The following ZC3H13 variants were observed in gnomAD, a reference collection of about 807,000 sequenced individuals.
The protein encoded by ZC3H13 is zinc finger CCCH domain-containing protein 13.
A neutral mutation model predicts 204.1 loss-of-function variants in ZC3H13; 64 were observed. The ratio of observed to expected loss-of-function variants is 0.31; its 90% CI spans 0.26 to 0.39. ZC3H13 has a LOEUF of 0.39. Ranked by LOEUF, ZC3H13 falls within the 10% of genes least tolerant of loss-of-function variation. The probability of loss-of-function intolerance (pLI) is 1.00; values close to 1 mark genes in which losing one functional copy is unlikely to be tolerated. For synonymous variants in ZC3H13, 667 were observed against 693.7 expected (o/e 0.96, Z 0.60); for missense variants, 1,833 against 2,082.7 (o/e 0.88, Z 2.33).
rs535219849 is a variant in ZC3H13 at position 45,956,873 on chromosome 13, C to T, written c.*254G>A. On this transcript the variant is annotated 3_prime_UTR_variant, in exon 19 of 19. Transcript: ENST00000679008. ...CAAAATCTTCAGTTTTAACAAAAGG[C>T]GCAGAATAAACTACTAAATCTAGAT... 36 of 254,770 alleles carry T rather than the reference C, an allele frequency of 1.4e-4. No homozygotes were observed. The highest frequency in any genetic ancestry group is 2.5e-4 in the Non-Finnish European group (34 of 136,644). The allele number at this position is 254,770 out of a possible 1,614,324, so 15.8% of individuals were successfully genotyped here.
intron 4 of ZC3H13, among the ~76,000 whole-genome samples, chr13:46,021,033 A>G (rs1294255092): frequency 2.0e-5 from 3 of 152,024 alleles, no homozygotes; most frequent in Non-Finnish European, 4.4e-5. Context: ...GGGCTAAACC[A>G]TTCACCACAG....
chr13:45,991,215 A>G (rs1203693769), intron 8 of ZC3H13, among the ~76,000 whole-genome samples: 2 of 152,222 alleles, frequency 1.3e-5, no homozygotes, highest in Non-Finnish European at 2.9e-5. Context: ...GAATGTCTAC[A>G]ATAGCCTTGA....
chr13:45,990,826 G>C (rs2039918085), intron 8 of ZC3H13, among the ~76,000 whole-genome samples: 1 of 151,938 alleles, frequency 6.6e-6, no homozygotes, highest in African/African-American at 2.4e-5. Flanking sequence ...TGGGCGGGGG[G>C]ACAAGGTCTC....
intron 17 of ZC3H13, among the ~76,000 whole-genome samples, chr13:45,960,333 T>C (rs905453033): frequency 6.6e-6 from 1 of 152,210 alleles, no homozygotes; most frequent in African/African-American, 2.4e-5. Flanking sequence ...TGAACTCTAA[T>C]TCAGTATACT....
intron 1 of ZC3H13, chr13:46,051,898 T>A (rs2044455339): frequency 6.6e-6 from 1 of 151,546 alleles, no homozygotes; most frequent in Non-Finnish European, 1.5e-5. Context: ...TATTCCACTT[T>A]CCCCCGTTTC....
At position 45,967,868 on chromosome 13, in the gene ZC3H13, C is replaced by T; in HGVS notation, c.3957G>A (p.Arg1319=). 2 of 1,614,008 alleles carry T rather than the reference C, an allele frequency of 1.2e-6. No individual in the cohort carries two copies. The highest frequency in any genetic ancestry group is 1.7e-6 in the Non-Finnish European group (2 of 1,180,000). Residue 1319 remains arginine, a synonymous_variant, in exon 15 of 19, where the codon AGG becomes AGA. Coordinates refer to ENST00000679008, the MANE Select transcript of ZC3H13 (RefSeq NM_001330564.2). ...RERERERRDT[R]QREWDRDADK... ...CAGCATCTCGGTCCCATTCTCTCTG[C>T]CTCGTATCTCTCCTCTCTCTCTCGC...
chr13:45,992,124 T>C (rs1215552812), intron 8 of ZC3H13, among the ~76,000 whole-genome samples: 5 of 152,288 alleles, frequency 3.3e-5, no homozygotes, highest in African/African-American at 9.6e-5. Context: ...ACAAAGGTAA[T>C]ATGGGCACTA....
In ZC3H13 at chr13:45,985,377, G is replaced by A. The variant is rs770497540; in HGVS notation, c.1640C>T (p.Ser547Phe). 2 of 1,614,118 alleles carry A rather than the reference G, an allele frequency of 1.2e-6. No individual in the cohort carries two copies. Among genetic ancestry groups the A allele is most frequent in the South Asian group, 2.2e-5 (2 of 91,072 alleles). Residue 547 changes from serine to phenylalanine, a missense_variant, in exon 10 of 19, where the codon TCC becomes TTC. By Grantham distance (155) the Ser-to-Phe change is radical (BLOSUM62 -2). Around this residue, in one of 5 missense-constraint regions of ZC3H13, gnomAD observed 1,574 missense variants for 1,757.2 expected, o/e 0.90. Coordinates refer to ENST00000679008, the MANE Select transcript of ZC3H13 (RefSeq NM_001330564.2). ...ESSRTEIRNE[S>F]RNESRSEIRN... ...AATTTCACTTCGAGACTCATTTCTG[G>A]ACTCATTCCTTATTTCCGTACGAGA... is the stretch of plus-strand genomic sequence containing the variant.
intron 15 of ZC3H13, among the ~76,000 whole-genome samples, chr13:45,966,228 T>C (rs986623408): frequency 2.0e-5 from 3 of 152,166 alleles, no homozygotes; most frequent in African/African-American, 7.2e-5. Flanking sequence ...GAATCTACAA[T>C]ACTAAGTTTC....
rs41284155 is a variant in ZC3H13 at position 46,020,484 on chromosome 13, T to C, written c.413A>G (p.Glu138Gly). The change falls in exon 5 of 19, where the codon GAA becomes GGA. Residue 138 changes from glutamate to glycine, a missense_variant. Glu to Gly is a moderately conservative substitution (Grantham distance 98, BLOSUM62 -2). This residue lies in a region of ZC3H13 where 1,574 missense variants were observed against 1,757.2 expected (regional missense o/e 0.90). Coordinates refer to ENST00000679008, the MANE Select transcript of ZC3H13 (RefSeq NM_001330564.2). ...KITKERTPESEEENVEWETNR... is the reference protein window; with the variant it reads ...KITKERTPESGEENVEWETNR... Reference sequence around the variant, plus strand: ...AGTTTCCCATTCTACATTTTCTTCTTCACTTTCTGGAGTTCTTTCCTTAGT... The same window carrying C: ...AGTTTCCCATTCTACATTTTCTTCTCCACTTTCTGGAGTTCTTTCCTTAGT... The C allele has an allele frequency of 0.014, 23,314 of 1,610,970 alleles. 196 individuals are homozygous for C. Among genetic ancestry groups the C allele is most frequent in the Middle Eastern group, 0.024 (143 of 6,046 alleles).
At chr13:46,035,269 G>A (rs188877047) in intron 4 of ZC3H13, among the ~76,000 whole-genome samples, 24 of 152,278 alleles carry the variant, frequency 1.6e-4, no homozygotes, top group African/African-American at 5.5e-4. Context: ...TCCAGCCTAC[G>A]TGCTTCCAGT....
intron 5 of ZC3H13, among the ~76,000 whole-genome samples, chr13:46,015,888 T>TA (rs1187264677): frequency 2.6e-5 from 4 of 151,500 alleles, no homozygotes; most frequent in Non-Finnish European, 5.9e-5. Flanking sequence ...ATATATCTGA[T>TA]AAAAATCTCA....
intron 4 of ZC3H13, among the ~76,000 whole-genome samples, chr13:46,030,063 G>A (rs2042796483): frequency 6.6e-6 from 1 of 152,082 alleles, no homozygotes; most frequent in Admixed American, 6.6e-5. Context: ...GGTATGCAAG[G>A]CTGGTTCAAT....
chr13:45,967,484 A>T lies in ZC3H13; in HGVS notation c.4321+20T>A, dbSNP rs773328663. 1.3e-6 allele frequency: 2 copies of T among 1,512,070 alleles called. No individual in the cohort carries two copies. The highest frequency in any genetic ancestry group is 4.6e-5 in the East Asian group (2 of 43,568). 93.7% of individuals were successfully genotyped at this position (1,512,070 alleles called of 1,614,324 possible). A position where few individuals can be genotyped will look rare whatever the true frequency, so the allele number is the denominator to read the frequency against. On this transcript the variant is annotated intron_variant, in intron 15 of 18. Coordinates refer to ENST00000679008, the MANE Select transcript of ZC3H13 (RefSeq NM_001330564.2). ...GAAAAGAAATAAAGCAGTATCACAGACAACAGAGGTAGCACTCACCTTCCA... is the reference window on the plus strand; with the variant it reads ...GAAAAGAAATAAAGCAGTATCACAGTCAACAGAGGTAGCACTCACCTTCCA...
At chr13:45,972,246 C>T (rs1456320514) in intron 12 of ZC3H13, among the ~76,000 whole-genome samples, 1 of 151,222 alleles carries the variant, frequency 6.6e-6, no homozygotes. Flanking sequence ...ATAGAACCAA[C>T]CTAAGTGCCC....
chr13:45,965,531 G>T, intron 15 of ZC3H13, 99 bp from the exon 16 acceptor site: 1 of 1,104,968 alleles, frequency 9.1e-7, no homozygotes, highest in Non-Finnish European at 1.2e-6. Flanking sequence ...ATAACAATGT[G>T]AAAAACATCT....
chr13:45,989,948 G>A (rs1436380506), intron 8 of ZC3H13, among the ~76,000 whole-genome samples: 1 of 152,136 alleles, frequency 6.6e-6, no homozygotes, highest in Non-Finnish European at 1.5e-5. Flanking sequence ...ATCATCTCAA[G>A]AGCTAAAAGC....
At chr13:45,979,742 G>C in intron 11 of ZC3H13, 71 bp downstream of exon 11, 2 of 1,420,290 alleles carry the variant, frequency 1.4e-6, no homozygotes, top group Non-Finnish European at 9.5e-7. Context: ...AAAGTAAATT[G>C]GTAACTGTTT....
Position 46,052,516 on chromosome 13 carries a change from C to T in ZC3H13, c.-122G>A. On this transcript the variant is annotated 5_prime_UTR_variant, in exon 1 of 19. Transcript: ENST00000679008. The stretch of plus-strand genomic sequence containing the variant: ...GCGCCTGGACCCAGGAGGACGACGA[C>T]GAGGAGAAAGCGATGCGCGCGCGGC... 1 of 398,630 alleles carries T rather than the reference C, an allele frequency of 2.5e-6. No homozygotes were observed. Among genetic ancestry groups the T allele is most frequent in the East Asian group, 3.6e-5 (1 of 28,066 alleles). The allele number at this position is 398,630 out of a possible 1,614,324, so 24.7% of individuals were successfully genotyped here. A position where few individuals can be genotyped will look rare whatever the true frequency, so the allele number is the denominator to read the frequency against.
Sources: allele counts gnomAD v4.1 joint callset (sites outside exome capture counted in the v4.1 genomes callset), GRCh38; gene constraint gnomAD v4.1.1; regional missense constraint gnomAD v4.1.1; transcripts MANE v1.5; gene names NCBI Gene and HGNC (gene_info 2026-07-23, HGNC 2026-07-21).